Variants in KCNC2 observed in about 807,000 individuals in gnomAD.
The protein encoded by KCNC2 is potassium voltage-gated channel subfamily C member 2.
Under a neutral mutation model 44.5 loss-of-function variants are expected in KCNC2, and 21 were observed. The observed-to-expected ratio is 0.47, with a 90% CI of 0.33 to 0.68. The LOEUF (loss-of-function observed/expected upper bound fraction) is 0.68, where lower values mean the gene tolerates loss of function less well. Ranked by LOEUF, KCNC2 falls within the 30% of genes least tolerant of loss-of-function variation. The pLI is 0.01. For synonymous variants in KCNC2, 391 were observed against 339.1 expected (o/e 1.15, Z -1.68); for missense variants, 589 against 826.2 (o/e 0.71, Z 3.52).
chr12:75,079,308 A>G (rs749966373), intron 2 of KCNC2, among the ~76,000 whole-genome samples: 2 of 152,134 alleles, frequency 1.3e-5, no homozygotes, highest in East Asian at 3.9e-4. Context: ...GAAATTCTCC[A>G]GTGACCTTCC....
intron 2 of KCNC2, among the ~76,000 whole-genome samples, chr12:75,097,612 C>T (rs1018625294): frequency 2.0e-5 from 3 of 151,922 alleles, no homozygotes; most frequent in Non-Finnish European, 4.4e-5. Context: ...TTTCTATTTT[C>T]TAAAAGGCCC....
intron 2 of KCNC2, among the ~76,000 whole-genome samples, chr12:75,092,887 A>G (rs1219204247): frequency 6.6e-6 from 1 of 151,590 alleles, no homozygotes; most frequent in South Asian, 2.1e-4. Flanking sequence ...GGATAAGCTT[A>G]TTATATTGCA....
At chr12:75,189,314 C>T (rs141685294) in intron 2 of KCNC2, among the ~76,000 whole-genome samples, 1 of 152,240 alleles carries the variant, frequency 6.6e-6, no homozygotes, top group East Asian at 1.9e-4. Context: ...CTACAACCAG[C>T]GGTGTAACAG....
chr12:75,104,751 C>A (rs551041080), intron 2 of KCNC2, among the ~76,000 whole-genome samples: 1 of 152,180 alleles, frequency 6.6e-6, no homozygotes, highest in African/African-American at 2.4e-5. Flanking sequence ...CATATGGAAA[C>A]TGACATACAG....
At chr12:75,185,268 CAGTTATTATTCAATT>C (rs756010946) in intron 2 of KCNC2, among the ~76,000 whole-genome samples, 1 of 152,046 alleles carries the variant, frequency 6.6e-6, no homozygotes, top group Non-Finnish European at 1.5e-5. Context: ...TGATAAGTTT[CAGTTATTATTCAATT>C]TCTCTGTATT....
chr12:75,176,465 T>A (rs1160031977), intron 2 of KCNC2, among the ~76,000 whole-genome samples: 2 of 151,920 alleles, frequency 1.3e-5, no homozygotes, highest in African/African-American at 4.8e-5. Flanking sequence ...CCCTGTAAGA[T>A]CTAGTGCCCT....
intron 2 of KCNC2, among the ~76,000 whole-genome samples, chr12:75,133,414 A>T (rs1468791084): frequency 6.6e-6 from 1 of 151,832 alleles, no homozygotes; most frequent in Non-Finnish European, 1.5e-5. Flanking sequence ...TTATGTATCC[A>T]TAAAAATTTT....
rs957910063 is a variant in KCNC2 at position 75,207,288 on chromosome 12, T to C, written c.687+9A>G. ...GAAGCAGCAGGGAAGGGGTCGATTC[T>C]GGCCTTACCCTGGCGGCTCTGGACG... On this transcript the variant is annotated intron_variant, in intron 2 of 4. Coordinates refer to ENST00000549446, the MANE Select transcript of KCNC2 (RefSeq NM_139137.4). The surrounding 1 kb of genome is among the most constrained non-coding windows in gnomAD (Gnocchi z 4.1). 4.6e-6 allele frequency: 7 copies of C among 1,529,114 alleles called. No homozygotes were observed. Among genetic ancestry groups the C allele is most frequent in the Non-Finnish European group, 6.1e-6 (7 of 1,142,936 alleles). The allele number at this position is 1,529,114 out of a possible 1,614,324, so 94.7% of individuals were successfully genotyped here. A position where few individuals can be genotyped will look rare whatever the true frequency, so the allele number is the denominator to read the frequency against.
At chr12:75,073,402 T>C (rs1180660970) in intron 2 of KCNC2, among the ~76,000 whole-genome samples, 1 of 152,200 alleles carries the variant, frequency 6.6e-6, no homozygotes, top group Non-Finnish European at 1.5e-5. Context: ...AAGCCAGTTT[T>C]CTTTGTAATT....
chr12:75,133,538 G>A (rs935437881), intron 2 of KCNC2, among the ~76,000 whole-genome samples: 3 of 151,692 alleles, frequency 2.0e-5, no homozygotes, highest in African/African-American at 4.8e-5. Flanking sequence ...AACTTGGCAA[G>A]TGATTCCAAT....
At chr12:75,138,383 A>G (rs1312665905) in intron 2 of KCNC2, among the ~76,000 whole-genome samples, 1 of 152,248 alleles carries the variant, frequency 6.6e-6, no homozygotes, top group East Asian at 1.9e-4. Flanking sequence ...GAATGCAAGT[A>G]GACCTGAGGT....
intron 2 of KCNC2, among the ~76,000 whole-genome samples, chr12:75,112,686 A>C (rs570645283): frequency 1.3e-4 from 20 of 152,028 alleles, no homozygotes; most frequent in African/African-American, 4.8e-4. Flanking sequence ...AAATATTCCC[A>C]AAATTTAGGC....
chr12:75,124,957 T>G (rs1888303272), intron 2 of KCNC2: 2 of 152,028 alleles, frequency 1.3e-5, no homozygotes, highest in Admixed American at 6.6e-5. Context: ...ACAAAAAAAA[T>G]TAGCCGGGCG....
intron 2 of KCNC2, among the ~76,000 whole-genome samples, chr12:75,066,175 A>G (rs1489407348): frequency 2.6e-5 from 4 of 151,994 alleles, no homozygotes; most frequent in Non-Finnish European, 4.4e-5. Context: ...ATTTTTTATA[A>G]TTATCCAATG....
At chr12:75,165,760 G>A (rs372925700) in intron 2 of KCNC2, among the ~76,000 whole-genome samples, 7 of 151,392 alleles carry the variant, frequency 4.6e-5, no homozygotes, top group Non-Finnish European at 8.9e-5. Context: ...ATTGTATATA[G>A]ATGTTGATAT....
chr12:75,140,361 G>A (rs1480249353), intron 2 of KCNC2, among the ~76,000 whole-genome samples: 1 of 152,166 alleles, frequency 6.6e-6, no homozygotes, highest in Non-Finnish European at 1.5e-5. Context: ...GGTGTGATTT[G>A]TCAGGGACCA....
chr12:75,129,082 A>G (rs1281116468), intron 2 of KCNC2, among the ~76,000 whole-genome samples: 1 of 152,226 alleles, frequency 6.6e-6, no homozygotes, highest in African/African-American at 2.4e-5. Flanking sequence ...CTTGTCAGCT[A>G]GTAATAGTTG....
chr12:75,154,244 A>G (rs983178871), intron 2 of KCNC2, among the ~76,000 whole-genome samples: 2 of 152,062 alleles, frequency 1.3e-5, no homozygotes, highest in Admixed American at 1.3e-4. Context: ...AAAGCATGCA[A>G]CTATCACATT....
At chr12:75,206,152 CAT>C (rs956508481) in intron 2 of KCNC2, among the ~76,000 whole-genome samples, 1 of 152,116 alleles carries the variant, frequency 6.6e-6, no homozygotes, top group African/African-American at 2.4e-5. Flanking sequence ...ACACTTCTGA[CAT>C]ACAGAGGAAG....
Sources: allele counts gnomAD v4.1 joint callset (sites outside exome capture counted in the v4.1 genomes callset), GRCh38; gene constraint gnomAD v4.1.1; non-coding constraint Gnocchi (gnomAD v3.1); transcripts MANE v1.5; gene names NCBI Gene and HGNC (gene_info 2026-07-23, HGNC 2026-07-21).